The following PITPNC1 variants were observed in gnomAD, a reference collection of about 807,000 sequenced individuals.
The protein encoded by PITPNC1 is cytoplasmic phosphatidylinositol transfer protein 1.
Under a neutral mutation model 44.7 loss-of-function variants are expected in PITPNC1, and 18 were observed. The observed-to-expected ratio is 0.40, with a 90% confidence interval of 0.28 to 0.60. The LOEUF is 0.60. Among genes scored for constraint, PITPNC1 ranks in the 20% least tolerant of loss-of-function variants. The pLI, the probability that PITPNC1 is intolerant of heterozygous loss-of-function variation, is 0.39. For synonymous variants in PITPNC1, 141 were observed against 149.6 expected, an observed-to-expected ratio of 0.94 and a Z score of 0.42; for missense variants, 290 against 418.4, an observed-to-expected ratio of 0.69 and a Z score of 2.68.
intron 5 of PITPNC1, among the ~76,000 whole-genome samples, chr17:67,586,526 C>T (rs62084146): frequency 0.36 from 55,027 of 151,354 alleles, 10,261 homozygotes; most frequent in South Asian, 0.58. Flanking sequence ...ACCTGGGAGA[C>T]AGAGGTTGCA....
chr17:67,540,887 G>C (rs2040597216), intron 2 of PITPNC1, among the ~76,000 whole-genome samples: 1 of 152,186 alleles, frequency 6.6e-6, no homozygotes, highest in African/African-American at 2.4e-5. Flanking sequence ...CCATACCCTT[G>C]AGAAACCCAC....
chr17:67,384,869 A>C (rs942362060), intron 1 of PITPNC1, among the ~76,000 whole-genome samples: 2 of 152,244 alleles, frequency 1.3e-5, no homozygotes, highest in Non-Finnish European at 2.9e-5. Context: ...TTAATCTCAC[A>C]GACTTTCCCC....
At chr17:67,429,581 G>A (rs780954086) in intron 1 of PITPNC1, among the ~76,000 whole-genome samples, 59 of 151,880 alleles carry the variant, frequency 3.9e-4, no homozygotes, top group Non-Finnish European at 7.5e-4. Flanking sequence ...GCCTATAATC[G>A]TAGCTACTCA....
intron 1 of PITPNC1, among the ~76,000 whole-genome samples, chr17:67,413,651 G>A (rs2038542611): frequency 6.6e-6 from 1 of 152,050 alleles, no homozygotes; most frequent in Admixed American, 6.6e-5. Flanking sequence ...TGCATGCTGG[G>A]TGACATGCTT....
At chr17:67,510,631 C>T (rs2040173379) in intron 1 of PITPNC1, among the ~76,000 whole-genome samples, 1 of 152,168 alleles carries the variant, frequency 6.6e-6, no homozygotes, top group Non-Finnish European at 1.5e-5. Context: ...CAGAGTCTTG[C>T]TCTATCACTC....
At position 67,521,918 on chromosome 17, in the gene PITPNC1, G is replaced by T. The variant is rs550808847; in HGVS notation, c.49-10884G>T. ...TTCAGTTAATGACTCTTTCCTTTCT[G>T]CCGGGTCTTTGTCTGCAACATTGGG... On this transcript the variant is annotated intron_variant, in intron 1 of 8. Transcript: ENST00000581322. Among the ~76,000 whole-genome samples the T allele has an allele frequency of 5.0e-4, 76 of 152,260 alleles. 1 individual carries two copies. Among genetic ancestry groups the T allele is most frequent in the Non-Finnish European group, 5.7e-4 (39 of 68,020 alleles).
intron 1 of PITPNC1, among the ~76,000 whole-genome samples, chr17:67,409,791 G>T (rs1330545860): frequency 1.3e-5 from 2 of 152,130 alleles, no homozygotes; most frequent in Non-Finnish European, 2.9e-5. Context: ...ACTCACCTTG[G>T]CCTCCCAAAG....
intron 8 of PITPNC1, among the ~76,000 whole-genome samples, chr17:67,688,583 G>C (rs2042864069): frequency 6.6e-6 from 1 of 152,088 alleles, no homozygotes. Flanking sequence ...CTGATTTGCA[G>C]GAAACTGTTG....
chr17:67,475,293 C>G (rs1194697512), intron 1 of PITPNC1, among the ~76,000 whole-genome samples: 1 of 152,180 alleles, frequency 6.6e-6, no homozygotes, highest in African/African-American at 2.4e-5. Flanking sequence ...GACACAGCAG[C>G]TCTTCTCATA....
intron 1 of PITPNC1, among the ~76,000 whole-genome samples, chr17:67,505,075 G>A (rs1333136482): frequency 6.6e-6 from 1 of 152,020 alleles, no homozygotes; most frequent in Non-Finnish European, 1.5e-5. Context: ...CATTGTTGTC[G>A]GAGAACTTGC....
chr17:67,692,990 A>G lies in PITPNC1; in HGVS notation c.*102A>G, dbSNP rs964281446. The G allele has an allele frequency of 8.5e-5, 65 of 763,654 alleles. No individual in the cohort carries two copies. The highest frequency in any genetic ancestry group is 6.6e-4 in the Admixed American group (26 of 39,668). 47.3% of individuals were successfully genotyped at this position (763,654 alleles called of 1,614,324 possible). A position where few individuals can be genotyped will look rare whatever the true frequency, so the allele number is the denominator to read the frequency against. Reference sequence around the variant, plus strand: ...AAAAAGACTGCTTTGTCACTCAAACATGTTCCTTCGACCTTTCAGTGTGCA... The same window carrying G: ...AAAAAGACTGCTTTGTCACTCAAACGTGTTCCTTCGACCTTTCAGTGTGCA... On this transcript the variant is annotated 3_prime_UTR_variant, in exon 9 of 9. Coordinates refer to ENST00000581322, the MANE Select transcript of PITPNC1 (RefSeq NM_012417.4).
intron 4 of PITPNC1, among the ~76,000 whole-genome samples, chr17:67,572,478 G>C (rs113501975): frequency 1.4e-4 from 16 of 115,946 alleles, no homozygotes; most frequent in Admixed American, 4.9e-4. Flanking sequence ...CGGGGGGGGG[G>C]GGTAAAGAAG....
intron 1 of PITPNC1, among the ~76,000 whole-genome samples, chr17:67,413,000 GGTGTT>G (rs2038527322): frequency 6.6e-6 from 1 of 152,036 alleles, no homozygotes; most frequent in Non-Finnish European, 1.5e-5. Context: ...TAATACCTTC[GGTGTT>G]TTTGAGAATC....
chr17:67,468,308 G>A (rs1161992689), intron 1 of PITPNC1, among the ~76,000 whole-genome samples: 1 of 152,154 alleles, frequency 6.6e-6, no homozygotes, highest in Non-Finnish European at 1.5e-5. Context: ...TAGCAACACT[G>A]GGGGCGTGCA....
At chr17:67,419,530 T>C (rs2038638339) in intron 1 of PITPNC1, among the ~76,000 whole-genome samples, 1 of 152,130 alleles carries the variant, frequency 6.6e-6, no homozygotes, top group African/African-American at 2.4e-5. Flanking sequence ...GTTTTGACCT[T>C]AAGTAGGGTA....
chr17:67,578,912 G>C (rs920222505), intron 5 of PITPNC1, among the ~76,000 whole-genome samples: 18 of 152,344 alleles, frequency 1.2e-4, no homozygotes, highest in African/African-American at 4.3e-4. Flanking sequence ...AACCTGGGAG[G>C]CAGAGGTTAC....
Position 67,532,879 on chromosome 17 carries a change from C to G in PITPNC1, c.126C>G (p.Val42=). Residue 42 remains valine (V), a synonymous_variant, in exon 2 of 9, where the codon GTC becomes GTG. Coordinates refer to ENST00000581322, the MANE Select transcript of PITPNC1 (RefSeq NM_012417.4). ...QSDRGEGVEV[V]QNEPFEDPHH... is the part of the protein sequence containing the mutation. ...ACCGGGGAGAAGGGGTGGAGGTCGT[C>G]CAGAATGAGCCCTTTGAGGACCCTC... 1 of 1,607,158 alleles carries G rather than the reference C, an allele frequency of 6.2e-7. No individual in the cohort carries two copies. The highest frequency in any genetic ancestry group is 8.5e-7 in the Non-Finnish European group (1 of 1,177,042).
At chr17:67,492,957 G>A (rs1568012307) in intron 1 of PITPNC1, among the ~76,000 whole-genome samples, 3 of 152,174 alleles carry the variant, frequency 2.0e-5, no homozygotes, top group Non-Finnish European at 2.9e-5. Context: ...TACAAATTCT[G>A]TTTCGTTCCT....
intron 1 of PITPNC1, among the ~76,000 whole-genome samples, chr17:67,516,964 C>G (rs1598767405): frequency 6.7e-6 from 1 of 148,966 alleles, no homozygotes; most frequent in South Asian, 2.1e-4. Context: ...TGGCACCCCC[C>G]ACCAACAACA....
Sources: allele counts gnomAD v4.1 joint callset (sites outside exome capture counted in the v4.1 genomes callset), GRCh38; gene constraint gnomAD v4.1.1; transcripts MANE v1.5; gene names NCBI Gene and HGNC (gene_info 2026-07-23, HGNC 2026-07-21).